The following SYNE1 variants were observed in gnomAD, a reference collection of about 807,000 sequenced individuals.
The protein encoded by SYNE1 is nesprin-1.
Under a neutral mutation model 1,111.0 loss-of-function variants are expected in SYNE1, and 616 were observed. The ratio of observed to expected loss-of-function variants is 0.55; its 90% confidence interval spans 0.52 to 0.59. SYNE1 has a LOEUF of 0.59. Ranked by LOEUF, SYNE1 falls within the 20% of genes least tolerant of loss-of-function variation. SYNE1 has a pLI of 0.00. For synonymous variants in SYNE1, 3,855 were observed against 3,825.8 expected (o/e 1.01, Z -0.28); for missense variants, 10,006 against 10,417.0 (o/e 0.96, Z 1.72).
intron 3 of SYNE1, among the ~76,000 whole-genome samples, chr6:152,549,310 C>T (rs1351339858): frequency 6.6e-6 from 1 of 152,158 alleles, no homozygotes; most frequent in Non-Finnish European, 1.5e-5. Flanking sequence ...CTTATGAAAC[C>T]ATCCATATTT....
At chr6:152,133,074 C>A (rs1191339156) in intron 143 of SYNE1, among the ~76,000 whole-genome samples, 3 of 152,190 alleles carry the variant, frequency 2.0e-5, no homozygotes, top group East Asian at 1.9e-4. Flanking sequence ...TTGGATTTAA[C>A]AGAATCAAAA....
intron 39 of SYNE1, among the ~76,000 whole-genome samples, chr6:152,420,659 C>G (rs151029724): frequency 6.6e-6 from 1 of 152,204 alleles, no homozygotes; most frequent in Non-Finnish European, 1.5e-5. Context: ...AAAATACATT[C>G]GTGAGATTTG....
rs112031116 is a variant in SYNE1 at position 152,503,791 on chromosome 6, CT to C, written c.779-1050del. Among the ~76,000 whole-genome samples the C allele has an allele frequency of 9.5e-4, 145 of 151,976 alleles. 1 individual carries two copies. The highest frequency in any genetic ancestry group is 3.2e-3 in the African/African-American group (134 of 41,486). ...TGATGAGTCAAACCGTTGAGTAAAA[CT>C]TTTTTTTCAGGAAATATGAAAGTGG... is the stretch of plus-strand genomic sequence containing the variant. On this transcript the variant is annotated intron_variant, in intron 9 of 145. Transcript: ENST00000367255.
chr6:152,455,955 G>C lies in SYNE1; in HGVS notation c.2658C>G (p.Ser886Arg). ...TCTGATCAAAATGCTTTAACACGTT[G>C]CTCAAGGTCACAAACTTTTGAACAC... ...SQSVQKFVTL[S>R]NVLKHFDQTR... Residue 886 changes from serine to arginine, a missense_variant, in exon 23 of 146, where the codon AGC becomes AGG. By Grantham distance (110) the Ser-to-Arg change is moderately radical. Transcript: ENST00000367255. The C allele has an allele frequency of 6.2e-7, 1 of 1,614,098 alleles. No homozygotes were observed. Among genetic ancestry groups the C allele is most frequent in the Non-Finnish European group, 8.5e-7 (1 of 1,180,006 alleles).
intron 3 of SYNE1, among the ~76,000 whole-genome samples, chr6:152,581,028 A>G (rs116574672): frequency 2.5e-3 from 379 of 152,298 alleles, no homozygotes; most frequent in African/African-American, 8.3e-3. Context: ...TTCTTCATTG[A>G]TCAGTTAGTC....
At chr6:152,344,494 G>A (rs192789616) in intron 73 of SYNE1, among the ~76,000 whole-genome samples, 10 of 152,314 alleles carry the variant, frequency 6.6e-5, no homozygotes, top group South Asian at 2.1e-4. Context: ...AAATATAACC[G>A]TAGAGGCATG....
intron 145 of SYNE1, chr6:152,127,235 A>G (rs2152602498): frequency 6.6e-6 from 1 of 152,274 alleles, no homozygotes; most frequent in Middle Eastern, 3.4e-3. Context: ...TTAACGGGGT[A>G]GGGTCTGGAG....
chr6:152,289,407 G>C (rs34462224), intron 95 of SYNE1, among the ~76,000 whole-genome samples: 9,333 of 152,140 alleles, frequency 0.061, 315 homozygotes, highest in Middle Eastern at 0.099. Flanking sequence ...GTTTTTGTTT[G>C]TTTGTTTGTT....
intron 131 of SYNE1, among the ~76,000 whole-genome samples, chr6:152,161,922 G>A (rs556523565): frequency 3.9e-5 from 6 of 152,306 alleles, no homozygotes; most frequent in African/African-American, 9.6e-5. Flanking sequence ...CTGGGGAAGC[G>A]GGCTGGGAGC....
intron 130 of SYNE1, among the ~76,000 whole-genome samples, chr6:152,171,541 C>T (rs1385601044): frequency 6.6e-6 from 1 of 152,212 alleles, no homozygotes; most frequent in African/African-American, 2.4e-5. Flanking sequence ...GAGAAGCCTA[C>T]TGAGCCCGTA....
intron 105 of SYNE1, among the ~76,000 whole-genome samples, chr6:152,246,257 T>C (rs2087104037): frequency 6.6e-6 from 1 of 151,556 alleles, no homozygotes; most frequent in Non-Finnish European, 1.5e-5. Flanking sequence ...TTCGATGACA[T>C]GAAAGATGGG....
intron 14 of SYNE1, chr6:152,478,575 T>G (rs1302204266): frequency 6.6e-6 from 1 of 152,084 alleles, no homozygotes; most frequent in Non-Finnish European, 1.5e-5. Context: ...ATTGCGTAGG[T>G]GGGTTGATGT....
chr6:152,427,860 A>T (rs375458953), intron 37 of SYNE1, 44 bp from the exon 38 acceptor site: 132 of 1,613,022 alleles, frequency 8.2e-5, no homozygotes, highest in Non-Finnish European at 1.0e-4. Flanking sequence ...GAAAATTATC[A>T]TGCTAGCAGA....
In SYNE1 at chr6:152,149,529, T is replaced by C. The variant is rs1336854433; in HGVS notation, c.24590A>G (p.Gln8197Arg). The change falls in exon 136 of 146, where the codon CAG becomes CGG. Residue 8197 changes from glutamine to arginine, a missense_variant. By Grantham distance (43) the Gln-to-Arg change is conservative. This residue lies in a region of SYNE1 where 761 missense variants were observed against 795.5 expected (regional missense o/e 0.96). Transcript: ENST00000367255. ...TCTTTCCACACGCCCGAAGACCTCC[T>C]GGCAGTACCGTCGGAGCTCATCTAG... The part of the protein sequence containing the change: ...EELDELRRYC[Q>R]EVFGRVERYH... 1.2e-6 allele frequency: 2 copies of C among 1,614,190 alleles called. No homozygotes were observed. The highest frequency in any genetic ancestry group is 1.1e-5 in the South Asian group (1 of 91,084).
At position 152,396,765 on chromosome 6, in the gene SYNE1, A is replaced by G; in HGVS notation, c.7556+10T>C. On this transcript the variant is annotated intron_variant, in intron 50 of 145. Coordinates refer to ENST00000367255, the MANE Select transcript of SYNE1 (RefSeq NM_182961.4). ...GTATGATGAAATCTATGTTTGTTAA[A>G]CTAACCTACCTTCCAAGTTCTGAAG... 6.2e-7 allele frequency: 1 copy of G among 1,613,628 alleles called. No individual in the cohort carries two copies. Among genetic ancestry groups the G allele is most frequent in the Non-Finnish European group, 8.5e-7 (1 of 1,179,584 alleles).
chr6:152,276,177 G>A (rs983625008), intron 98 of SYNE1, among the ~76,000 whole-genome samples: 2 of 151,556 alleles, frequency 1.3e-5, no homozygotes, highest in African/African-American at 4.9e-5. Flanking sequence ...TGGGATTACA[G>A]GCATGCCCCA....
rs1459732146 is a variant in SYNE1, at chr6:152,425,530, A to G, written c.5118T>C (p.Val1706=). 6.2e-7 allele frequency: 1 copy of G among 1,614,178 alleles called. No homozygotes were observed. Among genetic ancestry groups the G allele is most frequent in the Non-Finnish European group, 8.5e-7 (1 of 1,180,020 alleles). ...LQLIQALQNE[V]VSQASFYSKL... is the part of the protein sequence containing the mutation. ...TGCTATAGAATGAGGCCTGGGATAC[A>G]ACTTCATTTTGCAGTGCCTGAAAAA... Residue 1706 remains valine (V), a synonymous_variant, in exon 39 of 146, where the codon GTT becomes GTC. Coordinates refer to ENST00000367255, the MANE Select transcript of SYNE1 (RefSeq NM_182961.4).
chr6:152,246,956 A>C (rs944930883), intron 105 of SYNE1, among the ~76,000 whole-genome samples: 2 of 152,240 alleles, frequency 1.3e-5, no homozygotes, highest in Non-Finnish European at 2.9e-5. Context: ...TGGTATAAGA[A>C]CATTTTCAGA....
rs754573507 is a variant in SYNE1, at chr6:152,428,254, C to T, written c.4927G>A (p.Ala1643Thr). 2 of 1,614,052 alleles carry T rather than the reference C, an allele frequency of 1.2e-6. No individual in the cohort carries two copies. The highest frequency in any genetic ancestry group is 1.1e-5 in the South Asian group (1 of 91,090). ...TCCAGCGCCGTCTGTCTCTCCTTCG[C>T]CCTCCTTAGGATGTCCTCGTATTGC... ...QQQYEDILRR[A>T]KERQTALENL... The change falls in exon 37 of 146, where the codon GCG (alanine) becomes ACG (threonine). Residue 1643 changes from alanine (A) to threonine (T), a missense_variant. By Grantham distance (58) the Ala-to-Thr change is moderately conservative. Around this residue, in one of 7 missense-constraint regions of SYNE1, gnomAD observed 1,971 missense variants for 2,084.1 expected, o/e 0.95. Transcript: ENST00000367255.
Sources: gnomAD v4.1 joint callset for allele counts (sites outside exome capture counted in the v4.1 genomes callset) on GRCh38, gnomAD v4.1.1 for gene constraint, gnomAD v4.1.1 regional missense constraint, MANE v1.5 for transcripts, NCBI Gene and HGNC (gene_info 2026-07-23, HGNC 2026-07-21) for gene names.